The following PACRG variants were observed in gnomAD, a reference collection of about 807,000 sequenced individuals.
PACRG encodes parkin coregulated gene protein.
In PACRG, 29 loss-of-function variants were observed where a neutral mutation model predicts 29.7. The ratio of observed to expected loss-of-function variants is 0.98; its 90% CI spans 0.73 to 1.33. The LOEUF (loss-of-function observed/expected upper bound fraction) is 1.33, where lower values mean the gene tolerates loss of function less well. Among genes scored for constraint, PACRG ranks in the 40% most tolerant of loss-of-function variants. The probability of loss-of-function intolerance (pLI) is 0.00; values close to 1 mark genes in which losing one functional copy is unlikely to be tolerated. For missense variants in PACRG, 279 were observed against 316.2 expected (o/e 0.88, Z 0.89); for synonymous variants, 116 against 118.7 (o/e 0.98, Z 0.15).
chr6:163,285,142 G>A (rs1784352739), intron 4 of PACRG, among the ~76,000 whole-genome samples: 1 of 151,894 alleles, frequency 6.6e-6, no homozygotes, highest in South Asian at 2.1e-4. Flanking sequence ...AGCATCACCT[G>A]ACTCCTGCCT....
intron 4 of PACRG, among the ~76,000 whole-genome samples, chr6:163,133,404 A>G (rs942005659): frequency 6.6e-6 from 1 of 151,828 alleles, no homozygotes; most frequent in Admixed American, 6.5e-5. Context: ...CATGGAAGAG[A>G]AGAATAATTA....
At chr6:163,266,748 C>T (rs1352310757) in intron 4 of PACRG, among the ~76,000 whole-genome samples, 3 of 152,176 alleles carry the variant, frequency 2.0e-5, no homozygotes, top group Non-Finnish European at 4.4e-5. Flanking sequence ...AAACTGGAAG[C>T]TCAGAGAAGT....
At chr6:163,301,952 T>A (rs763830058) in intron 4 of PACRG, among the ~76,000 whole-genome samples, 3 of 152,230 alleles carry the variant, frequency 2.0e-5, no homozygotes, top group Non-Finnish European at 2.9e-5. Flanking sequence ...AGGGGTCCTG[T>A]TGTTTCATTT....
At chr6:162,949,535 G>A (rs7751162) in intron 2 of PACRG, among the ~76,000 whole-genome samples, 18,735 of 152,132 alleles carry the variant, frequency 0.12, 1,711 homozygotes, top group East Asian at 0.26. Context: ...TAGAAATGAT[G>A]TATCTCTGAG....
intron 2 of PACRG, among the ~76,000 whole-genome samples, chr6:163,028,356 A>G (rs979316085): frequency 2.0e-5 from 3 of 152,144 alleles, no homozygotes; most frequent in Non-Finnish European, 4.4e-5. Context: ...GGCATTCAAG[A>G]GCATAACTCA....
intron 2 of PACRG, among the ~76,000 whole-genome samples, chr6:162,885,533 AGTGCTGGGATTACAGGTGTGAGCCACC>A (rs1250047742): frequency 6.6e-6 from 1 of 152,088 alleles, no homozygotes; most frequent in Non-Finnish European, 1.5e-5. Flanking sequence ...GGCCTCCCAA[AGTGCTGGGATTACAGGTGTGAGCCACC>A]GTGCCTGGCC....
intron 2 of PACRG, among the ~76,000 whole-genome samples, chr6:163,044,381 G>T (rs1312968979): frequency 6.6e-6 from 1 of 151,920 alleles, no homozygotes; most frequent in African/African-American, 2.4e-5. Context: ...TTCCCAGGCT[G>T]GTCTCTAATT....
chr6:162,915,250 T>A (rs1053937771), intron 2 of PACRG, among the ~76,000 whole-genome samples: 1 of 152,042 alleles, frequency 6.6e-6, no homozygotes, highest in African/African-American at 2.4e-5. Flanking sequence ...TCAAATTATT[T>A]TTCTGCCAAT....
chr6:163,225,713 T>C (rs1057474350), intron 4 of PACRG, among the ~76,000 whole-genome samples: 3 of 152,220 alleles, frequency 2.0e-5, no homozygotes, highest in African/African-American at 7.2e-5. Flanking sequence ...TCTGGGTATA[T>C]AGATGCAAAG....
chr6:162,903,560 C>T (rs1162977739), intron 2 of PACRG, among the ~76,000 whole-genome samples: 1 of 152,094 alleles, frequency 6.6e-6, no homozygotes, highest in East Asian at 1.9e-4. Flanking sequence ...CCTTATAAAA[C>T]CATCAGATCT....
intron 2 of PACRG, among the ~76,000 whole-genome samples, chr6:162,852,008 GAA>G (rs1562664001): frequency 3.4e-5 from 4 of 117,906 alleles, no homozygotes; most frequent in Non-Finnish European, 7.6e-5. Context: ...AGGGAGGGAG[GAA>G]GGAAGGAAGG....
rs568549918 is a variant in PACRG, at chr6:163,144,593, A to G, written c.613+55185A>G. Among the ~76,000 whole-genome samples, 11 of 152,144 alleles carry G rather than the reference A, an allele frequency of 7.2e-5. No homozygotes were observed. The South Asian group carries it at 2.1e-3, about 29-fold the overall frequency. On this transcript the variant is annotated intron_variant, in intron 4 of 4. Coordinates refer to ENST00000366888, the MANE Select transcript of PACRG (RefSeq NM_001080379.2). ...AGACCAGCCTAGCCAACATGGTGAA[A>G]CCCCATCTCTACTAAAAATACAAAA...
At chr6:162,947,685 T>A (rs545099044) in intron 2 of PACRG, among the ~76,000 whole-genome samples, 1 of 124,982 alleles carries the variant, frequency 8.0e-6, no homozygotes, top group South Asian at 2.5e-4. Flanking sequence ...CTAGATCTGA[T>A]AATAAATTCA....
chr6:162,951,453 C>T (rs764469191), intron 2 of PACRG, among the ~76,000 whole-genome samples: 1 of 152,208 alleles, frequency 6.6e-6, no homozygotes, highest in Non-Finnish European at 1.5e-5. Flanking sequence ...TCAGATATTT[C>T]TTTCAAACAG....
At chr6:162,822,203 C>T (rs1054281125) in intron 2 of PACRG, among the ~76,000 whole-genome samples, 2 of 152,066 alleles carry the variant, frequency 1.3e-5, no homozygotes, top group Non-Finnish European at 2.9e-5. Flanking sequence ...TTTTAATGTG[C>T]AGGTTTAAGT....
chr6:162,863,965 T>C (rs1401953690), intron 2 of PACRG, among the ~76,000 whole-genome samples: 2 of 152,196 alleles, frequency 1.3e-5, no homozygotes, highest in African/African-American at 4.8e-5. Context: ...GATTCCTGCA[T>C]TATTTCCTTT....
chr6:163,078,687 C>G (rs1281373549), intron 3 of PACRG, among the ~76,000 whole-genome samples: 2 of 152,136 alleles, frequency 1.3e-5, no homozygotes, highest in Non-Finnish European at 2.9e-5. Flanking sequence ...CGGGCTAGAG[C>G]CTCAGACTGA....
intron 2 of PACRG, among the ~76,000 whole-genome samples, chr6:162,814,738 C>G (rs1562624604): frequency 6.6e-6 from 1 of 152,080 alleles, no homozygotes; most frequent in Non-Finnish European, 1.5e-5. Flanking sequence ...AATACAAAAG[C>G]AGGCCGATCC....
At chr6:162,787,558 T>TTGTGTGTGTGTG (rs377437969) in intron 1 of PACRG, among the ~76,000 whole-genome samples, 1 of 78,874 alleles carries the variant, frequency 1.3e-5, no homozygotes, top group African/African-American at 5.0e-5. Flanking sequence ...TATATGGTTA[T>TTGTGTGTGTGTG]TGTGTGTGTG....
Sources: gnomAD v4.1 joint callset for allele counts (sites outside exome capture counted in the v4.1 genomes callset) on GRCh38, gnomAD v4.1.1 for gene constraint, MANE v1.5 for transcripts, NCBI Gene and HGNC (gene_info 2026-07-23, HGNC 2026-07-21) for gene names.